The following DEF8 variants were observed in gnomAD, a reference collection of about 807,000 sequenced individuals.
DEF8 encodes differentially expressed in FDCP 8 homolog, also known as DEF-8.
In DEF8, 38 loss-of-function variants were observed where a neutral mutation model predicts 59.1. The observed-to-expected ratio is 0.64, with a 90% CI of 0.50 to 0.84. The LOEUF is 0.84. Among genes scored for constraint, DEF8 ranks in the 40% least tolerant of loss-of-function variants. The probability of loss-of-function intolerance (pLI) is 0.00; values close to 1 mark genes in which losing one functional copy is unlikely to be tolerated. For synonymous variants in DEF8, 265 were observed against 250.1 expected (o/e 1.06, Z -0.56); for missense variants, 557 against 615.2 (o/e 0.91, Z 1.00).
At chr16:89,958,688 C>T (rs377103728) in intron 5 of DEF8, among the ~76,000 whole-genome samples, 11 of 152,218 alleles carry the variant, frequency 7.2e-5, no homozygotes, top group African/African-American at 1.2e-4. Flanking sequence ...TGCACCTAAC[C>T]GGCAAAAAGC....
Position 89,954,644 on chromosome 16 carries a change from A to G in DEF8, c.124+268A>G, listed in dbSNP as rs748832407. On this transcript the variant is annotated intron_variant, in intron 3 of 12. Coordinates refer to ENST00000563594, the MANE Select transcript of DEF8 (RefSeq NM_001242818.2). This position sits in a 1 kb window ranked among gnomAD's most constrained non-coding sequence, Gnocchi z 4.3. ...AGCACATAGTAGGTGCTCAGGGAAC[A>G]CTTGCTGAGTGCGGTCAGCGCTGAG... Among the ~76,000 whole-genome samples the G allele has an allele frequency of 3.9e-5, 6 of 152,216 alleles. No homozygotes were observed. Among genetic ancestry groups the G allele is most frequent in the Non-Finnish European group, 7.3e-5 (5 of 68,040 alleles).
rs1165623769 is a variant in DEF8 at position 89,963,253 on chromosome 16, G to A, written c.922-110G>A. The A allele has an allele frequency of 7.1e-6, 6 of 842,214 alleles. 1 individual carries two copies. The highest frequency in any genetic ancestry group is 5.9e-5 in the Admixed American group (2 of 33,938). 52.2% of individuals were successfully genotyped at this position (842,214 alleles called of 1,614,324 possible). On this transcript the variant is annotated intron_variant, in intron 9 of 12. Transcript: ENST00000563594. ...TGAAGCACTCAGATCTCGGCCCTTC[G>A]TGGGGAACCAACCCCTCCTGGCCCT... is the stretch of plus-strand genomic sequence containing the variant.
Position 89,963,414 on chromosome 16 carries a change from G to A in DEF8, c.973G>A (p.Glu325Lys). ...GAAGCCGTACTTCATCACCTGCAGG[G>A]AGGCCATGGAGGCTCGTCTGCTGCT... ...LMKPYFITCR[E>K]AMEARLLLQL... Residue 325 changes from glutamate to lysine, a missense_variant, in exon 10 of 13, where the codon GAG becomes AAG. Physicochemically the swap from Glu to Lys is moderately conservative, Grantham distance 56 (BLOSUM62 1). Transcript: ENST00000563594. 1 of 1,613,918 alleles carries A rather than the reference G, an allele frequency of 6.2e-7. No individual in the cohort carries two copies. Among genetic ancestry groups the A allele is most frequent in the Non-Finnish European group, 8.5e-7 (1 of 1,179,900 alleles).
In DEF8 at chr16:89,955,283, C is replaced by G. The variant is rs773040107; in HGVS notation, c.222+17C>G. 2 of 1,606,980 alleles carry G rather than the reference C, an allele frequency of 1.2e-6. No individual in the cohort carries two copies. The highest frequency in any genetic ancestry group is 1.7e-5 in the Admixed American group (1 of 59,996). ...CGCCCTGTGGTAAGGTTTTAGATCT[C>G]GGAGGGGAGAGGGACTGAGGGAACC... On this transcript the variant is annotated intron_variant, in intron 4 of 12. Coordinates refer to ENST00000563594, the MANE Select transcript of DEF8 (RefSeq NM_001242818.2).
At position 89,967,042 on chromosome 16, in the gene DEF8, A is replaced by G; in HGVS notation, c.*1079A>G. ...CAGAGGCCCCTGGGCAGCAGAGGAA[A>G]CCTACAGCTCTGGGTGAGGGGACAC... On this transcript the variant is annotated 3_prime_UTR_variant, in exon 13 of 13. Transcript: ENST00000563594. 5.4e-6 allele frequency: 2 copies of G among 367,236 alleles called. No individual in the cohort carries two copies. The highest frequency in any genetic ancestry group is 9.7e-6 in the Non-Finnish European group (2 of 206,630). 22.7% of individuals were successfully genotyped at this position (367,236 alleles called of 1,614,324 possible). A position where few individuals can be genotyped will look rare whatever the true frequency, so the allele number is the denominator to read the frequency against.
chr16:89,961,133 G>A (rs1467532728), intron 7 of DEF8, 38 bp downstream of exon 7: 1 of 1,592,090 alleles, frequency 6.3e-7, no homozygotes, highest in Non-Finnish European at 8.6e-7. Flanking sequence ...TGAGGGAGCT[G>A]TTCCTGGCGG....
chr16:89,949,716 T>A, intron 2 of DEF8: 1 of 1,368,282 alleles, frequency 7.3e-7, no homozygotes, highest in Non-Finnish European at 1.0e-6. Context: ...TTCTTCGGCT[T>A]CCTTTCATTG....
intron 2 of DEF8, among the ~76,000 whole-genome samples, chr16:89,953,287 G>C (rs1457303061): frequency 3.3e-5 from 5 of 152,204 alleles, no homozygotes; most frequent in African/African-American, 1.2e-4. Context: ...GGGAAATGGA[G>C]GCAGAGAGGC....
intron 5 of DEF8, among the ~76,000 whole-genome samples, 189 bp downstream of exon 5, chr16:89,957,849 C>T (rs1191545411): frequency 2.6e-5 from 4 of 152,216 alleles, no homozygotes; most frequent in African/African-American, 4.8e-5. Flanking sequence ...GGGAGGTTTC[C>T]CTATTAGCCT....
At position 89,959,373 on chromosome 16, in the gene DEF8, G is replaced by T. The variant is rs1597501625; in HGVS notation, c.514+218G>T. On this transcript the variant is annotated intron_variant, in intron 6 of 12. Coordinates refer to ENST00000563594, the MANE Select transcript of DEF8 (RefSeq NM_001242818.2). ...ATTAAACTAGTGAATTACATGGTGTGTCTAGTTTGTACAATGAAGAAAAAG... is the reference window on the plus strand; with the variant it reads ...ATTAAACTAGTGAATTACATGGTGTTTCTAGTTTGTACAATGAAGAAAAAG... 3.5e-6 allele frequency: 5 copies of T among 1,429,126 alleles called. No individual in the cohort carries two copies. In the South Asian group the frequency reaches 6.0e-5, roughly 17 times the overall value. The allele number at this position is 1,429,126 out of a possible 1,614,324, so 88.5% of individuals were successfully genotyped here.
intron 5 of DEF8, chr16:89,958,646 G>A (rs1464550794): frequency 1.5e-5 from 4 of 265,134 alleles, no homozygotes; most frequent in Non-Finnish European, 3.0e-5. Flanking sequence ...GACAGCTAAT[G>A]GTGTTGGGGA....
At chr16:89,963,292 G>C in intron 9 of DEF8, 71 bp from the exon 10 acceptor site, 1 of 1,362,810 alleles carries the variant, frequency 7.3e-7, no homozygotes, top group Non-Finnish European at 1.0e-6. Context: ...GTGGCCCCGG[G>C]TGTGCGGCCC....
chr16:89,963,235 C>G, intron 9 of DEF8, 128 bp from the exon 10 acceptor site: 3 of 683,812 alleles, frequency 4.4e-6, no homozygotes, highest in Non-Finnish European at 7.2e-6. Flanking sequence ...TGGTGAAGCA[C>G]TCAGATCTCG....
intron 1 of DEF8, 35 bp downstream of exon 1, chr16:89,948,849 C>T (rs1009939221): frequency 2.9e-6 from 2 of 685,700 alleles, no homozygotes; most frequent in East Asian, 2.1e-4. Flanking sequence ...TCGGGGCCGG[C>T]GGGGACGGGG....
intron 11 of DEF8, 22 bp downstream of exon 11, chr16:89,964,332 G>A (rs777644152): frequency 6.4e-6 from 10 of 1,566,712 alleles, no homozygotes; most frequent in Admixed American, 3.6e-5. Context: ...CCCGAGGGCC[G>A]CTCTTCTCCA....
chr16:89,967,527 G>T lies in DEF8; in HGVS notation c.*1564G>T. The T allele has an allele frequency of 5.0e-6, 2 of 398,594 alleles. No homozygotes were observed. Among genetic ancestry groups the T allele is most frequent in the South Asian group, 2.6e-4 (2 of 7,784 alleles). The allele number at this position is 398,594 out of a possible 1,614,324, so 24.7% of individuals were successfully genotyped here. On this transcript the variant is annotated 3_prime_UTR_variant, in exon 13 of 13. Transcript: ENST00000563594. ...CCTGACCTACCTCAGGTGGAACGGT[G>T]AGCAGGGAACATGTCGGAGTCCTTC...
At position 89,967,723 on chromosome 16, in the gene DEF8, G is replaced by A. The variant is rs559758896; in HGVS notation, c.*1760G>A. The A allele has an allele frequency of 1.6e-5, 6 of 369,350 alleles. No individual in the cohort carries two copies. The highest frequency in any genetic ancestry group is 4.6e-5 in the Admixed American group (1 of 21,678). The allele number at this position is 369,350 out of a possible 1,614,324, so 22.9% of individuals were successfully genotyped here. On this transcript the variant is annotated 3_prime_UTR_variant, in exon 13 of 13. Coordinates refer to ENST00000563594, the MANE Select transcript of DEF8 (RefSeq NM_001242818.2). ...CTGTCATATGGATATTAGCCATTCCGAAATCTGTGTAATCAACTTCACATT... is the reference window on the plus strand; with the variant it reads ...CTGTCATATGGATATTAGCCATTCCAAAATCTGTGTAATCAACTTCACATT...
At chr16:89,949,598 C>A (rs991132653) in intron 2 of DEF8, 85 bp downstream of exon 2, 3 of 1,613,078 alleles carry the variant, frequency 1.9e-6, no homozygotes, top group Non-Finnish European at 1.7e-6. Context: ...GATGACACCG[C>A]TTCCTGGTGG....
chr16:89,965,417 G>A (rs1293669233), intron 12 of DEF8, among the ~76,000 whole-genome samples: 1 of 152,214 alleles, frequency 6.6e-6, no homozygotes, highest in African/African-American at 2.4e-5. Flanking sequence ...GACTGAACTC[G>A]CTCGAGCTAG....
Sources: gnomAD v4.1 joint callset for allele counts (sites outside exome capture counted in the v4.1 genomes callset) on GRCh38, gnomAD v4.1.1 for gene constraint, Gnocchi (gnomAD v3.1) non-coding constraint, MANE v1.5 for transcripts, NCBI Gene and HGNC (gene_info 2026-07-23, HGNC 2026-07-21) for gene names.